The following DNAH5 variants were observed in gnomAD, a reference collection of about 807,000 sequenced individuals.
DNAH5 encodes axonemal beta dynein heavy chain 5.
A neutral mutation model predicts 518.2 loss-of-function variants in DNAH5; 372 were observed. That is an observed-to-expected ratio of 0.72 (90% CI 0.66 to 0.78). The LOEUF (loss-of-function observed/expected upper bound fraction) is 0.78, where lower values mean the gene tolerates loss of function less well. Among genes scored for constraint, DNAH5 ranks in the 30% least tolerant of loss-of-function variants. The pLI is 0.00. For synonymous variants in DNAH5, 2,039 were observed against 2,025.9 expected, an observed-to-expected ratio of 1.01 and a Z score of -0.17; for missense variants, 5,523 against 5,687.0, an observed-to-expected ratio of 0.97 and a Z score of 0.93.
intron 73 of DNAH5, 126 bp from the exon 74 acceptor site, chr5:13,716,816 A>T: frequency 1.4e-6 from 1 of 737,852 alleles, no homozygotes; most frequent in South Asian, 1.5e-5. Context: ...AGTACTGCAA[A>T]GAGAAAGTGC....
intron 42 of DNAH5, among the ~76,000 whole-genome samples, chr5:13,817,122 A>T (rs906194563): frequency 6.6e-6 from 1 of 152,220 alleles, no homozygotes; most frequent in Non-Finnish European, 1.5e-5. Flanking sequence ...TGCTATATAC[A>T]ATTTTCTCTC....
chr5:13,862,804 T>C (rs1768654489), intron 28 of DNAH5, 57 bp from the exon 29 acceptor site: 2 of 1,367,938 alleles, frequency 1.5e-6, no homozygotes, highest in South Asian at 1.2e-5. Context: ...CCTTCCTTAA[T>C]AGTCTACGTG....
chr5:13,958,340 T>C (rs1780917925), intron 1 of DNAH5, among the ~76,000 whole-genome samples: 1 of 152,214 alleles, frequency 6.6e-6, no homozygotes, highest in Non-Finnish European at 1.5e-5. Context: ...GTTATCTTCT[T>C]GCAAGTTTAA....
At position 13,721,263 on chromosome 5, in the gene DNAH5, CA is replaced by C. The variant is rs762582845; in HGVS notation, c.12034-19del. The C allele has an allele frequency of 2.5e-6, 4 of 1,613,990 alleles. No individual in the cohort carries two copies. Among genetic ancestry groups the C allele is most frequent in the Non-Finnish European group, 3.4e-6 (4 of 1,179,928 alleles). On this transcript the variant is annotated intron_variant, in intron 70 of 78. Coordinates refer to ENST00000265104, the MANE Select transcript of DNAH5 (RefSeq NM_001369.3). ...TTGCGGGCCTGCCAAAAACAGTATA[CA>C]AGTCAGTAAAAGTCATTCCAACTCT...
In DNAH5 at chr5:13,707,070, C is replaced by T. The variant is rs546978080; in HGVS notation, c.13338+1053G>A. The stretch of plus-strand genomic sequence containing the variant: ...CCCAAGGGACCATAGCGGGCACACA[C>T]ACAAGTGGCTGGATGTTGAGAGGAG... On this transcript the variant is annotated intron_variant, in intron 76 of 78. Transcript: ENST00000265104. This position sits in a 1 kb window ranked among gnomAD's most constrained non-coding sequence, Gnocchi z 4.0. Among the ~76,000 whole-genome samples the T allele has an allele frequency of 2.6e-5, 4 of 152,320 alleles. No homozygotes were observed. The highest frequency in any genetic ancestry group is 4.8e-5 in the African/African-American group (2 of 41,568).
At chr5:13,742,868 G>C (rs962260996) in intron 65 of DNAH5, among the ~76,000 whole-genome samples, 14 of 151,824 alleles carry the variant, frequency 9.2e-5, no homozygotes, top group Non-Finnish European at 1.6e-4. Context: ...AGAAACAAGT[G>C]GCCAAATACT....
In DNAH5 at chr5:13,817,644, C is replaced by A; in HGVS notation, c.6892G>T (p.Ala2298Ser). The change falls in exon 42 of 79, where the codon GCC becomes TCC. Residue 2298 changes from alanine to serine, a missense_variant. Ala to Ser is a moderately conservative substitution (Grantham distance 99). Coordinates refer to ENST00000265104, the MANE Select transcript of DNAH5 (RefSeq NM_001369.3). ...TCCAGCCGACCAAACATCTGTGGGG[C>A]AGTAATCGCTTTGGGATTCATCCTC... ...EMRMNPKAIT[A>S]PQMFGRLDVA... The A allele has an allele frequency of 6.2e-7, 1 of 1,614,168 alleles. No individual in the cohort carries two copies. The highest frequency in any genetic ancestry group is 8.5e-7 in the Non-Finnish European group (1 of 1,180,026).
At chr5:13,742,368 T>C (rs1748688169) in intron 65 of DNAH5, among the ~76,000 whole-genome samples, 1 of 127,088 alleles carries the variant, frequency 7.9e-6, no homozygotes. Flanking sequence ...CATGGACTAC[T>C]CTAACAAAAC....
chr5:13,905,030 A>G (rs1775114834), intron 12 of DNAH5, among the ~76,000 whole-genome samples: 1 of 152,262 alleles, frequency 6.6e-6, no homozygotes, highest in Admixed American at 6.5e-5. Context: ...TAAATAATTC[A>G]CAAAATTGAT....
At chr5:14,000,935 C>A (rs1010525467) in intron 1 of DNAH5, among the ~76,000 whole-genome samples, 4 of 152,166 alleles carry the variant, frequency 2.6e-5, no homozygotes, top group Admixed American at 6.5e-5. Flanking sequence ...AAATATGGTG[C>A]ATACACTCCA....
intron 55 of DNAH5, among the ~76,000 whole-genome samples, chr5:13,773,734 A>C (rs570770784): frequency 2.0e-5 from 3 of 152,292 alleles, no homozygotes; most frequent in African/African-American, 4.8e-5. Context: ...GGTTAATCCC[A>C]AGAAGAAAAA....
chr5:13,983,867 C>T (rs770782816), intron 1 of DNAH5, among the ~76,000 whole-genome samples: 6 of 152,192 alleles, frequency 3.9e-5, no homozygotes, highest in African/African-American at 7.2e-5. Flanking sequence ...AATTTTCAGA[C>T]GCAAGCGCTG....
chr5:14,003,934 C>A (rs1784539742), intron 1 of DNAH5, among the ~76,000 whole-genome samples: 1 of 152,182 alleles, frequency 6.6e-6, no homozygotes, highest in Non-Finnish European at 1.5e-5. Flanking sequence ...CTCCCAAGCC[C>A]CATAGGAGAG....
chr5:13,727,848 T>C (rs1384922646), intron 69 of DNAH5, among the ~76,000 whole-genome samples, 192 bp from the exon 70 acceptor site: 1 of 152,198 alleles, frequency 6.6e-6, no homozygotes, highest in African/African-American at 2.4e-5. Context: ...AAAGTCAGTC[T>C]ATACTAACAT....
In DNAH5 at chr5:13,807,539, C is replaced by T. The variant is rs1218364962; in HGVS notation, c.7887+52G>A. On this transcript the variant is annotated intron_variant, in intron 47 of 78. Transcript: ENST00000265104. ...AGCAGAATAGTAGAGATTTGAGCCT[C>T]CAAAGTTTATCACAAAATTGGGCTT... is the stretch of plus-strand genomic sequence containing the variant. 6 of 1,583,562 alleles carry T rather than the reference C, an allele frequency of 3.8e-6. No homozygotes were observed. The South Asian group carries it at 4.5e-5, about 12-fold the overall frequency.
intron 59 of DNAH5, 100 bp from the exon 60 acceptor site, chr5:13,763,001 A>G (rs1469953641): frequency 7.0e-6 from 7 of 1,005,502 alleles, no homozygotes; most frequent in Admixed American, 1.9e-5. Context: ...AACGACCACA[A>G]ATGAATGAAG....
At chr5:13,827,591 T>TA (rs889630961) in intron 38 of DNAH5, among the ~76,000 whole-genome samples, 10 of 150,500 alleles carry the variant, frequency 6.6e-5, no homozygotes, top group Non-Finnish European at 5.9e-5. Context: ...ACTTTGGACT[T>TA]AGACTTTTGA....
chr5:14,011,777 G>A (rs2152093130), exon 1 of DNAH5, among the ~76,000 whole-genome samples: 1 of 152,288 alleles, frequency 6.6e-6, no homozygotes, highest in South Asian at 2.1e-4. Flanking sequence ...CAGGCCGCCC[G>A]GCTAGCCGGC....
At chr5:13,971,466 C>T (rs993642568) in intron 1 of DNAH5, among the ~76,000 whole-genome samples, 3 of 152,294 alleles carry the variant, frequency 2.0e-5, no homozygotes, top group Middle Eastern at 3.4e-3. Context: ...CCACCGCGTG[C>T]TCCCTGGATG....
Sources: allele counts gnomAD v4.1 joint callset (sites outside exome capture counted in the v4.1 genomes callset), GRCh38; gene constraint gnomAD v4.1.1; non-coding constraint Gnocchi (gnomAD v3.1); transcripts MANE v1.5; gene names NCBI Gene and HGNC (gene_info 2026-07-23, HGNC 2026-07-21).